SNAP47: variants seen among roughly 807,000 people sequenced by gnomAD.
The protein encoded by SNAP47 is synaptosome associated protein 47.
SNAP47 carries 20 observed loss-of-function variants against 31.4 expected under a neutral mutation model. The observed-to-expected ratio is 0.64, with a 90% confidence interval of 0.45 to 0.93. SNAP47 has a LOEUF of 0.93. SNAP47 is among the 40% of genes least tolerant of loss of function. SNAP47 has a pLI of 0.00. For synonymous variants in SNAP47, 194 were observed against 213.4 expected (o/e 0.91, Z 0.79); for missense variants, 492 against 528.5 (o/e 0.93, Z 0.68).
chr1:227,738,954 ACT>A (rs542388424), intron 1 of SNAP47, among the ~76,000 whole-genome samples: 30 of 151,906 alleles, frequency 2.0e-4, no homozygotes, highest in Non-Finnish European at 3.4e-4. Context: ...TTGAGATGGA[ACT>A]CTGTGGTTTA....
intron 4 of SNAP47, among the ~76,000 whole-genome samples, chr1:227,775,483 C>G (rs575495519): frequency 6.6e-6 from 1 of 152,130 alleles, no homozygotes; most frequent in Non-Finnish European, 1.5e-5. Flanking sequence ...CGTCGCGAGG[C>G]GAGCCAGAGC....
At chr1:227,769,991 C>A (rs759498235) in intron 4 of SNAP47, among the ~76,000 whole-genome samples, 43 of 152,064 alleles carry the variant, frequency 2.8e-4, no homozygotes, top group Non-Finnish European at 4.9e-4. Context: ...CTGGGTCTGG[C>A]GGGAGAGTGG....
At position 227,741,810 on chromosome 1, in the gene SNAP47, C is replaced by T. The variant is rs984272755; in HGVS notation, c.-45-5882C>T. The stretch of plus-strand genomic sequence containing the variant: ...TGGGGTGTCTTCACTTCCGTCCTTG[C>T]ACTGCATCTCCGTTGACTAAGGTTT... On this transcript the variant is annotated intron_variant, in intron 1 of 4. Coordinates refer to ENST00000617596, the MANE Select transcript of SNAP47 (RefSeq NM_053052.4). The surrounding 1 kb of genome is among the most constrained non-coding windows in gnomAD (Gnocchi z 4.2). Among the ~76,000 whole-genome samples the T allele has an allele frequency of 6.6e-6, 1 of 152,084 alleles. No individual in the cohort carries two copies. The highest frequency in any genetic ancestry group is 2.4e-5 in the African/African-American group (1 of 41,382).
chr1:227,735,598 C>T (rs1395725021), intron 1 of SNAP47, 99 bp downstream of exon 1: 5 of 1,327,888 alleles, frequency 3.8e-6, no homozygotes, highest in East Asian at 3.1e-5. Flanking sequence ...CAGCCCGAGC[C>T]CTCCTTCCCG....
chr1:227,734,547 A>G (rs1660931796), upstream of SNAP47: 1 of 1,074,012 alleles, frequency 9.3e-7, no homozygotes, highest in African/African-American at 1.6e-5. Context: ...TCACGGGGAA[A>G]AATAGCTCCG....
rs1664423071 is a variant in SNAP47 at position 227,780,893 on chromosome 1, A to G, written c.*220A>G. ...CCCTGCTGCTGGGCAGGACCCGGCC[A>G]CATGTTCTGCGGATGCTGCAGAAGT... On this transcript the variant is annotated 3_prime_UTR_variant, in exon 5 of 5. Coordinates refer to ENST00000617596, the MANE Select transcript of SNAP47 (RefSeq NM_053052.4). 1.6e-6 allele frequency: 1 copy of G among 613,806 alleles called. No homozygotes were observed. The highest frequency in any genetic ancestry group is 1.9e-5 in the African/African-American group (1 of 53,986). 38.0% of individuals were successfully genotyped at this position (613,806 alleles called of 1,614,324 possible). A position where few individuals can be genotyped will look rare whatever the true frequency, so the allele number is the denominator to read the frequency against.
intron 1 of SNAP47, chr1:227,735,804 A>G (rs1016336792): frequency 1.2e-6 from 1 of 835,738 alleles, no homozygotes; most frequent in Non-Finnish European, 1.4e-6. Context: ...CCTGGAGGAG[A>G]TGGTGGGGAC....
intron 4 of SNAP47, among the ~76,000 whole-genome samples, chr1:227,767,842 C>T (rs901363112): frequency 3.9e-5 from 6 of 152,168 alleles, no homozygotes; most frequent in African/African-American, 1.4e-4. Context: ...CATGCACAGT[C>T]GGGTGCATGG....
In SNAP47 at chr1:227,735,476, T is replaced by C. The variant is rs753756252; in HGVS notation, c.-69T>C. ...GCGGCCGAGGCGCCGCGGTCGGCTCTGGGACTCGTCTGGCGTCCCTCAGGT... is the reference window on the plus strand; with the variant it reads ...GCGGCCGAGGCGCCGCGGTCGGCTCCGGGACTCGTCTGGCGTCCCTCAGGT... On this transcript the variant is annotated 5_prime_UTR_variant, in exon 1 of 5. Coordinates refer to ENST00000617596, the MANE Select transcript of SNAP47 (RefSeq NM_053052.4). 1 of 1,429,502 alleles carries C rather than the reference T, an allele frequency of 7.0e-7. No individual in the cohort carries two copies. The highest frequency in any genetic ancestry group is 3.0e-5 in the Admixed American group (1 of 33,450). 88.6% of individuals were successfully genotyped at this position (1,429,502 alleles called of 1,614,324 possible).
intron 1 of SNAP47, among the ~76,000 whole-genome samples, chr1:227,737,940 G>C (rs1160628682): frequency 6.6e-6 from 1 of 152,200 alleles, no homozygotes; most frequent in Non-Finnish European, 1.5e-5. Flanking sequence ...GTCTGGAGAA[G>C]TTACAGTTGC....
chr1:227,770,696 G>A (rs533979864), intron 4 of SNAP47: 70 of 154,732 alleles, frequency 4.5e-4, no homozygotes, highest in African/African-American at 1.3e-3. Context: ...TCCTAGTCAG[G>A]GGAAAAAACA....
intron 4 of SNAP47, among the ~76,000 whole-genome samples, chr1:227,779,610 G>C (rs1664348360): frequency 6.6e-6 from 1 of 152,204 alleles, no homozygotes; most frequent in Non-Finnish European, 1.5e-5. Flanking sequence ...TATTGCAAGT[G>C]GTGGGTCACT....
chr1:227,732,533 A>G (rs769184461), upstream of SNAP47: 1 of 1,613,386 alleles, frequency 6.2e-7, no homozygotes, highest in African/African-American at 1.3e-5. Flanking sequence ...TGCGCCCAAC[A>G]TCAAAGGCTG....
At position 227,767,085 on chromosome 1, in the gene SNAP47, T is replaced by C. The variant is rs750244846; in HGVS notation, c.1113+2T>C. 7 of 1,613,870 alleles carry C rather than the reference T, an allele frequency of 4.3e-6. No homozygotes were observed. In the East Asian group the frequency reaches 1.6e-4, roughly 36 times the overall value. On this transcript the variant is annotated splice_donor_variant, in intron 4 of 4. Coordinates refer to ENST00000617596, the MANE Select transcript of SNAP47 (RefSeq NM_053052.4). LOFTEE classifies it high-confidence loss of function. ...GCAGATACCCAGGAACTAACCCAGGTAAGATGTCCCCAGTGCCATGCCAGC... is the reference window on the plus strand; with the variant it reads ...GCAGATACCCAGGAACTAACCCAGGCAAGATGTCCCCAGTGCCATGCCAGC...
intron 4 of SNAP47, chr1:227,776,164 C>T (rs1664146713): frequency 8.7e-7 from 1 of 1,151,220 alleles, no homozygotes; most frequent in East Asian, 6.0e-5. Context: ...CCGCTCAGGA[C>T]CACAGAGTCT....
chr1:227,730,566 T>C (rs1196817122), upstream of SNAP47: 6 of 152,308 alleles, frequency 3.9e-5, no homozygotes, highest in South Asian at 8.3e-4. Flanking sequence ...TGGCATTTGC[T>C]GTTTTTGCTG....
At chr1:227,733,174 G>C, upstream of SNAP47, 1 of 995,920 alleles carries the variant, frequency 1.0e-6, no homozygotes, top group Non-Finnish European at 1.5e-6. Context: ...TTGCTCAGCA[G>C]GGAAGTGGGT....
At chr1:227,768,234 C>A (rs1663563517) in intron 4 of SNAP47, 2 of 978,228 alleles carry the variant, frequency 2.0e-6, no homozygotes, top group African/African-American at 1.8e-5. Context: ...GCTTCCGTCT[C>A]GTCTTCCCCT....
chr1:227,732,993 T>C (rs141389358), upstream of SNAP47: 39 of 1,613,514 alleles, frequency 2.4e-5, no homozygotes, highest in Admixed American at 2.5e-4. Flanking sequence ...GTTGAAGCCA[T>C]TGACCCAGTT....
Sources: gnomAD v4.1 joint callset for allele counts (sites outside exome capture counted in the v4.1 genomes callset) on GRCh38, gnomAD v4.1.1 for gene constraint, Gnocchi (gnomAD v3.1) non-coding constraint, MANE v1.5 for transcripts, NCBI Gene and HGNC (gene_info 2026-07-23, HGNC 2026-07-21) for gene names.